The following SPON1 variants were observed in gnomAD, a reference collection of about 807,000 sequenced individuals.
SPON1 encodes the protein spondin-1.
In SPON1, 52 loss-of-function variants were observed where a neutral mutation model predicts 111.7. The observed-to-expected ratio is 0.47, with a 90% CI of 0.37 to 0.59. SPON1 has a LOEUF of 0.59. Ranked by LOEUF, SPON1 falls within the 20% of genes least tolerant of loss-of-function variation. SPON1 has a pLI of 0.00. For missense variants in SPON1, 957 were observed against 1,068.5 expected, an observed-to-expected ratio of 0.90 and a Z score of 1.46; for synonymous variants, 410 against 395.8, an observed-to-expected ratio of 1.04 and a Z score of -0.43.
intron 5 of SPON1, among the ~76,000 whole-genome samples, chr11:14,105,511 A>T (rs1849177760): frequency 6.6e-6 from 1 of 152,154 alleles, no homozygotes; most frequent in South Asian, 2.1e-4. Context: ...GAAATAGTTT[A>T]TAAGTATTTT....
chr11:14,217,236 G>A lies in SPON1; in HGVS notation c.826-26096G>A, dbSNP rs61287988. ...TCTGCCTGCAAGTGCTCACAGTTCG[G>A]TTGTTTCAGCCAGCACCAACATTTG... is the stretch of plus-strand genomic sequence containing the variant. On this transcript the variant is annotated intron_variant, in intron 6 of 15. Coordinates refer to ENST00000576479, the MANE Select transcript of SPON1 (RefSeq NM_006108.4). Among the ~76,000 whole-genome samples, 261 of 152,258 alleles carry A rather than the reference G, an allele frequency of 1.7e-3. 8 individuals are homozygous for A. In the East Asian group the frequency reaches 0.044, roughly 25 times the overall value.
chr11:13,982,671 G>T (rs1253189294), intron 1 of SPON1, among the ~76,000 whole-genome samples, 176 bp from the exon 2 acceptor site: 1 of 152,174 alleles, frequency 6.6e-6, no homozygotes, highest in East Asian at 1.9e-4. Flanking sequence ...ATGTAAGAGG[G>T]AGCTGGGTGA....
chr11:14,157,556 A>G (rs1339682654), intron 6 of SPON1, among the ~76,000 whole-genome samples: 1 of 152,190 alleles, frequency 6.6e-6, no homozygotes, highest in Non-Finnish European at 1.5e-5. Flanking sequence ...CACTTCATGC[A>G]TCCATGTCTT....
At chr11:14,074,546 A>G (rs1848901464) in intron 3 of SPON1, among the ~76,000 whole-genome samples, 1 of 152,240 alleles carries the variant, frequency 6.6e-6, no homozygotes, top group Non-Finnish European at 1.5e-5. Flanking sequence ...AATCAGTAGA[A>G]GTGGTCCAAG....
intron 3 of SPON1, among the ~76,000 whole-genome samples, chr11:14,043,767 G>A (rs1254785487): frequency 6.6e-6 from 1 of 152,212 alleles, no homozygotes; most frequent in Non-Finnish European, 1.5e-5. Context: ...TTTGGTGGAA[G>A]CCAGAAAGGC....
intron 5 of SPON1, among the ~76,000 whole-genome samples, chr11:14,108,934 G>A (rs1554925165): frequency 6.6e-6 from 1 of 152,210 alleles, no homozygotes. Flanking sequence ...TATCCTAGGG[G>A]CTGAGCAACA....
At chr11:13,996,407 C>CAT (rs1848272766) in intron 2 of SPON1, among the ~76,000 whole-genome samples, 1 of 152,214 alleles carries the variant, frequency 6.6e-6, no homozygotes, top group Non-Finnish European at 1.5e-5. Flanking sequence ...CTGGAATGGA[C>CAT]ATTGGGTCCT....
At chr11:14,221,460 A>G (rs539755293) in intron 6 of SPON1, among the ~76,000 whole-genome samples, 1 of 152,338 alleles carries the variant, frequency 6.6e-6, no homozygotes, top group African/African-American at 2.4e-5. Flanking sequence ...GGCTATTTCT[A>G]CTACACCTGG....
At chr11:14,039,696 A>G (rs1186757423) in intron 2 of SPON1, among the ~76,000 whole-genome samples, 1 of 152,168 alleles carries the variant, frequency 6.6e-6, no homozygotes, top group Non-Finnish European at 1.5e-5. Flanking sequence ...GCAAGATCAT[A>G]AAAGTGCAAG....
intron 7 of SPON1, among the ~76,000 whole-genome samples, chr11:14,251,656 C>G (rs1391568213): frequency 6.6e-6 from 1 of 152,210 alleles, no homozygotes; most frequent in Admixed American, 6.5e-5. Context: ...CGGTCAGTCT[C>G]TATGACAATG....
At chr11:14,055,657 G>A (rs1451147241) in intron 3 of SPON1, among the ~76,000 whole-genome samples, 1 of 152,200 alleles carries the variant, frequency 6.6e-6, no homozygotes, top group Non-Finnish European at 1.5e-5. Context: ...CTAGGCTCTG[G>A]ATCTGTTCCG....
intron 7 of SPON1, among the ~76,000 whole-genome samples, chr11:14,245,914 C>A (rs1479242899): frequency 2.0e-5 from 3 of 152,254 alleles, no homozygotes; most frequent in Non-Finnish European, 4.4e-5. Flanking sequence ...TACCAAAAAA[C>A]AAGGATGTGA....
At chr11:14,254,134 G>T (rs1384344214) in intron 7 of SPON1, among the ~76,000 whole-genome samples, 1 of 152,224 alleles carries the variant, frequency 6.6e-6, no homozygotes, top group South Asian at 2.1e-4. Context: ...CCTTCTGAGG[G>T]CAATAGAAAC....
At chr11:14,050,066 G>A in intron 3 of SPON1, among the ~76,000 whole-genome samples, 1 of 152,156 alleles carries the variant, frequency 6.6e-6, no homozygotes, top group East Asian at 1.9e-4. Flanking sequence ...TCATGTAAAT[G>A]TTAAAAAGAA....
intron 2 of SPON1, among the ~76,000 whole-genome samples, chr11:14,033,714 A>G (rs117623263): frequency 1.3e-5 from 2 of 152,336 alleles, no homozygotes; most frequent in East Asian, 3.9e-4. Context: ...TGCCCCTGAT[A>G]TTTGAAAAGG....
At chr11:14,212,974 G>A (rs1290772032) in intron 6 of SPON1, among the ~76,000 whole-genome samples, 1 of 152,200 alleles carries the variant, frequency 6.6e-6, no homozygotes, top group African/African-American at 2.4e-5. Flanking sequence ...TGGAAGTGTA[G>A]TCCTTATATT....
intron 5 of SPON1, among the ~76,000 whole-genome samples, chr11:14,093,622 C>A (rs1849076052): frequency 6.6e-6 from 1 of 152,158 alleles, no homozygotes; most frequent in Admixed American, 6.5e-5. Context: ...AATCAAAGTT[C>A]ATTTTACAAT....
chr11:14,096,844 A>G (rs1223496618), intron 5 of SPON1, among the ~76,000 whole-genome samples: 10 of 152,192 alleles, frequency 6.6e-5, no homozygotes, highest in African/African-American at 2.4e-4. Flanking sequence ...TGGTATTGCC[A>G]CTTTTTCAGA....
chr11:13,990,994 T>A (rs1164097225), intron 2 of SPON1, among the ~76,000 whole-genome samples: 6 of 152,230 alleles, frequency 3.9e-5, no homozygotes, highest in Non-Finnish European at 8.8e-5. Context: ...TCTCTCTGGC[T>A]GCCCTTAACA....
Sources: allele counts gnomAD v4.1 joint callset (sites outside exome capture counted in the v4.1 genomes callset), GRCh38; gene constraint gnomAD v4.1.1; transcripts MANE v1.5; gene names NCBI Gene and HGNC (gene_info 2026-07-23, HGNC 2026-07-21).